The following SASH1 variants were observed in gnomAD, a reference collection of about 807,000 sequenced individuals.
SASH1 encodes SAM and SH3 domain containing 1.
A neutral mutation model predicts 125.2 loss-of-function variants in SASH1; 44 were observed. The ratio of observed to expected loss-of-function variants is 0.35; its 90% CI spans 0.28 to 0.45. The LOEUF (loss-of-function observed/expected upper bound fraction) is 0.45, where lower values mean the gene tolerates loss of function less well. Ranked by LOEUF, SASH1 falls within the 20% of genes least tolerant of loss-of-function variation. The pLI, the probability that SASH1 is intolerant of heterozygous loss-of-function variation, is 1.00. For synonymous variants in SASH1, 639 were observed against 649.1 expected (o/e 0.98, Z 0.24); for missense variants, 1,426 against 1,614.5 (o/e 0.88, Z 2.00).
At chr6:148,285,917 T>A (rs1411307191) in intron 1 of SASH1, among the ~76,000 whole-genome samples, 1 of 150,530 alleles carries the variant, frequency 6.6e-6, no homozygotes, top group Non-Finnish European at 1.5e-5. Context: ...GGTTGGAAAT[T>A]AAAGGAATTA....
the SASH1 span, among the ~76,000 whole-genome samples, chr6:148,214,044 T>G: frequency 1.3e-5 from 2 of 152,344 alleles, no homozygotes; most frequent in South Asian, 4.1e-4. Context: ...AAACAGCTTC[T>G]TCTCAGAAAT....
chr6:148,294,636 A>T (rs1284681125), intron 1 of SASH1, among the ~76,000 whole-genome samples: 3 of 152,208 alleles, frequency 2.0e-5, no homozygotes. Context: ...GAGGCCTGGA[A>T]TTGCTAATGC....
At chr6:148,291,715 T>C (rs1321530844) in intron 1 of SASH1, among the ~76,000 whole-genome samples, 1 of 151,964 alleles carries the variant, frequency 6.6e-6, no homozygotes, top group Admixed American at 6.6e-5. Flanking sequence ...AGTGTATTTA[T>C]GACTCGGGGA....
chr6:148,537,774 T>TTGTGTGTG (rs1173037021), intron 16 of SASH1, among the ~76,000 whole-genome samples: 8 of 110,740 alleles, frequency 7.2e-5, no homozygotes, highest in African/African-American at 2.3e-4. Flanking sequence ...TCTTAGCATA[T>TTGTGTGTG]TCTGTGTGTG....
Position 148,435,374 on chromosome 6 carries a change from G to C in SASH1, c.286-4810G>C, listed in dbSNP as rs563039082. ...AGCCTGGGAGACAGAGCCAGACTCT[G>C]ACTCAAAAAAAAAAAAAAAAAAAGG... On this transcript the variant is annotated intron_variant, in intron 2 of 19. Transcript: ENST00000367467. Among the ~76,000 whole-genome samples, 11 of 77,372 alleles carry C rather than the reference G, an allele frequency of 1.4e-4. No homozygotes were observed. The South Asian group carries it at 7.2e-3, about 50-fold the overall frequency. 50.8% of individuals were successfully genotyped at this position (77,372 alleles called of 152,430 possible).
the SASH1 span, among the ~76,000 whole-genome samples, chr6:148,250,073 C>T: frequency 6.6e-6 from 1 of 152,086 alleles, no homozygotes; most frequent in East Asian, 1.9e-4. Flanking sequence ...GAATGTGAAC[C>T]CTGCAGATGA....
chr6:148,402,700 C>T (rs556774454), intron 2 of SASH1, among the ~76,000 whole-genome samples: 5 of 151,456 alleles, frequency 3.3e-5, no homozygotes, highest in East Asian at 1.9e-4. Context: ...CTGCAAGCTC[C>T]GCCTCCCGGG....
intron 1 of SASH1, among the ~76,000 whole-genome samples, chr6:148,380,423 C>A (rs1783084719): frequency 6.6e-6 from 1 of 152,160 alleles, no homozygotes; most frequent in Non-Finnish European, 1.5e-5. Context: ...TGTTCACAGC[C>A]TCACGTTTGT....
chr6:148,368,897 C>G (rs1234700550), intron 1 of SASH1, among the ~76,000 whole-genome samples: 1 of 152,150 alleles, frequency 6.6e-6, no homozygotes, highest in South Asian at 2.1e-4. Context: ...GTTTTACAAA[C>G]TTGATCAAAT....
At chr6:148,391,349 C>T (rs540890097) in intron 2 of SASH1, among the ~76,000 whole-genome samples, 14 of 151,336 alleles carry the variant, frequency 9.3e-5, no homozygotes, top group Non-Finnish European at 1.5e-4. Flanking sequence ...CTTCAGGTGA[C>T]CACCCGCGTT....
chr6:148,526,174 C>T (rs1319771315), intron 11 of SASH1, among the ~76,000 whole-genome samples: 1 of 150,332 alleles, frequency 6.7e-6, no homozygotes, highest in Admixed American at 6.7e-5. Flanking sequence ...AGCAATTCTC[C>T]TGCCTCAGCC....
At chr6:148,387,575 T>C (rs1449666013) in intron 1 of SASH1, among the ~76,000 whole-genome samples, 9 of 5,146 alleles carry the variant, frequency 1.7e-3, no homozygotes, top group East Asian at 3.3e-3. Flanking sequence ...TCTCTTTCTT[T>C]CTTTCTTTCT....
intron 2 of SASH1, among the ~76,000 whole-genome samples, chr6:148,438,815 G>A (rs971916553): frequency 6.0e-5 from 9 of 150,962 alleles, no homozygotes; most frequent in South Asian, 2.1e-4. Flanking sequence ...CCAAGTGTGC[G>A]GTGCAGCGTT....
At chr6:148,213,505 G>GGTGT in the SASH1 span, among the ~76,000 whole-genome samples, 34,723 of 147,924 alleles carry the variant, frequency 0.23, 4,308 homozygotes, top group East Asian at 0.32. Context: ...CTAGCCAAAG[G>GGTGT]GTGTGTGTGT....
At chr6:148,364,085 C>T (rs960755546) in intron 1 of SASH1, among the ~76,000 whole-genome samples, 18 of 152,086 alleles carry the variant, frequency 1.2e-4, no homozygotes, top group Non-Finnish European at 2.4e-4. Context: ...CCCAGCTCAT[C>T]GGCAGCCCAT....
At chr6:148,375,481 A>G (rs1376423927) in intron 1 of SASH1, among the ~76,000 whole-genome samples, 1 of 152,138 alleles carries the variant, frequency 6.6e-6, no homozygotes, top group Non-Finnish European at 1.5e-5. Flanking sequence ...AAGATGTTTT[A>G]AATCTACGAA....
intron 2 of SASH1, among the ~76,000 whole-genome samples, chr6:148,434,767 T>C (rs1474224785): frequency 6.6e-6 from 1 of 152,230 alleles, no homozygotes; most frequent in Admixed American, 6.5e-5. Flanking sequence ...CAAACTAAGT[T>C]ATAATGCCCT....
chr6:148,504,517 G>C (rs1779694793), intron 8 of SASH1, among the ~76,000 whole-genome samples: 1 of 151,976 alleles, frequency 6.6e-6, no homozygotes, highest in African/African-American at 2.4e-5. Context: ...CAGAGAACAG[G>C]ACCAGCAGTG....
rs566216979 is a variant in SASH1 at position 148,362,108 on chromosome 6, T to C, written c.156+18885T>C. Reference sequence around the variant, plus strand: ...TTTGTTTGTTTGTTTGTTGTATTTTTAGTAGAGACGGGGTTTCTCCGTGTT... The same window carrying C: ...TTTGTTTGTTTGTTTGTTGTATTTTCAGTAGAGACGGGGTTTCTCCGTGTT... On this transcript the variant is annotated intron_variant, in intron 1 of 19. Coordinates refer to ENST00000367467, the MANE Select transcript of SASH1 (RefSeq NM_015278.5). Among the ~76,000 whole-genome samples, 71 of 151,810 alleles carry C rather than the reference T, an allele frequency of 4.7e-4. No individual in the cohort carries two copies. The South Asian group carries it at 7.1e-3, about 15-fold the overall frequency.
Sources: gnomAD v4.1 joint callset for allele counts (sites outside exome capture counted in the v4.1 genomes callset) on GRCh38, gnomAD v4.1.1 for gene constraint, MANE v1.5 for transcripts, NCBI Gene and HGNC (gene_info 2026-07-23, HGNC 2026-07-21) for gene names.